The following SPATA31H1 variants were observed in gnomAD, a reference collection of about 807,000 sequenced individuals.
SPATA31H1 encodes the protein spermatogenesis-associated protein 31H1.
chr2:27,577,300 C>T, the SPATA31H1 span: 1 of 1,613,988 alleles, frequency 6.2e-7, no homozygotes, highest in Non-Finnish European at 8.5e-7. This position sits in a 1 kb window ranked among gnomAD's most constrained non-coding sequence, Gnocchi z 4.5. Context: ...CAGTCACGGC[C>T]CCGAGTTAAG....
At chr2:27,546,986 C>T in the SPATA31H1 span, among the ~76,000 whole-genome samples, 1 of 152,078 alleles carries the variant, frequency 6.6e-6, no homozygotes, top group African/African-American at 2.4e-5. Flanking sequence ...ATTGAAAAGA[C>T]CATCCTATTC....
chr2:27,555,876 G>A, the SPATA31H1 span, among the ~76,000 whole-genome samples: 3 of 151,960 alleles, frequency 2.0e-5, no homozygotes, highest in Non-Finnish European at 2.9e-5. Flanking sequence ...GCTCACGCCT[G>A]TAATCCCAGC....
chr2:27,578,056 T>C, the SPATA31H1 span: 2 of 1,614,086 alleles, frequency 1.2e-6, no homozygotes, highest in South Asian at 1.1e-5. Flanking sequence ...CAGCTTCAAG[T>C]TGCTCAATCT....
the SPATA31H1 span, among the ~76,000 whole-genome samples, chr2:27,556,658 G>A: frequency 3.6e-5 from 5 of 138,814 alleles, no homozygotes; most frequent in African/African-American, 1.1e-4. Flanking sequence ...TCTCCATCTC[G>A]TCATCTAATT....
the SPATA31H1 span, chr2:27,580,521 G>C: frequency 6.2e-7 from 1 of 1,614,180 alleles, no homozygotes; most frequent in Non-Finnish European, 8.5e-7. Flanking sequence ...TCCTTCTAGG[G>C]AATTAGCAGC....
chr2:27,548,031 G>A, the SPATA31H1 span, among the ~76,000 whole-genome samples: 2 of 146,582 alleles, frequency 1.4e-5, no homozygotes, highest in Non-Finnish European at 3.0e-5. Context: ...ACCCAGGCTG[G>A]AGTGTAGTGG....
At chr2:27,563,380 TA>T in the SPATA31H1 span, among the ~76,000 whole-genome samples, 1 of 126,022 alleles carries the variant, frequency 7.9e-6, no homozygotes, top group Non-Finnish European at 1.6e-5. Context: ...CTTCCTCTTC[TA>T]CTTCTTTTTT....
At chr2:27,578,965 A>G in the SPATA31H1 span, 161 of 1,613,944 alleles carry the variant, frequency 1.0e-4, no homozygotes, top group Non-Finnish European at 1.3e-4. Context: ...GCCCTTCATA[A>G]TCAAAGCTCC....
At chr2:27,546,629 C>T in the SPATA31H1 span, among the ~76,000 whole-genome samples, 1 of 151,924 alleles carries the variant, frequency 6.6e-6, no homozygotes, top group African/African-American at 2.4e-5. Context: ...ACCTCTTGGG[C>T]TCAAGTGATA....
chr2:27,566,012 G>C, the SPATA31H1 span: 1 of 717,308 alleles, frequency 1.4e-6, no homozygotes. Flanking sequence ...CAATAGTCAT[G>C]AGGCTGACAG....
chr2:27,571,884 G>A, the SPATA31H1 span: 4 of 398,398 alleles, frequency 1.0e-5, no homozygotes, highest in Non-Finnish European at 1.8e-5. Context: ...AGTAAAATCT[G>A]TGGATTTAGC....
the SPATA31H1 span, among the ~76,000 whole-genome samples, chr2:27,553,897 G>A: frequency 2.6e-5 from 4 of 151,914 alleles, no homozygotes; most frequent in African/African-American, 9.7e-5. Context: ...ACTCCAGCCT[G>A]GGCAACAAGA....
chr2:27,569,011 T>C, the SPATA31H1 span: 54 of 398,712 alleles, frequency 1.4e-4, no homozygotes, highest in Admixed American at 4.4e-5. Flanking sequence ...TGTCACCAAG[T>C]GGAAAAATCT....
the SPATA31H1 span, chr2:27,566,354 A>G: frequency 2.8e-6 from 2 of 717,404 alleles, no homozygotes; most frequent in Non-Finnish European, 5.2e-6. Flanking sequence ...CGGAGCCTTC[A>G]ACAGATCTTC....
the SPATA31H1 span, among the ~76,000 whole-genome samples, chr2:27,540,535 C>CT: frequency 7.2e-6 from 1 of 138,430 alleles, no homozygotes; most frequent in Non-Finnish European, 1.6e-5. Context: ...TGACCCCCCC[C>CT]CCACCTCCCT....
the SPATA31H1 span, chr2:27,578,928 A>G: frequency 1.9e-5 from 30 of 1,613,956 alleles, no homozygotes; most frequent in Non-Finnish European, 2.5e-5. Context: ...AGACCCTACT[A>G]TGATACAATC....
At chr2:27,543,622 C>G in the SPATA31H1 span, among the ~76,000 whole-genome samples, 1 of 151,620 alleles carries the variant, frequency 6.6e-6, no homozygotes, top group South Asian at 2.1e-4. Context: ...ACAGTTTCTG[C>G]AGTTTATCCA....
the SPATA31H1 span, among the ~76,000 whole-genome samples, chr2:27,562,024 C>A: frequency 1.3e-5 from 2 of 152,194 alleles, no homozygotes; most frequent in Non-Finnish European, 2.9e-5. Flanking sequence ...GCTAAACAAT[C>A]ATTTTCCCAT....
chr2:27,569,897 C>T, the SPATA31H1 span: 16 of 398,762 alleles, frequency 4.0e-5, no homozygotes, highest in Admixed American at 1.3e-4. Context: ...TTCTTCAAGG[C>T]GAAAAACCTG....
Sources: allele counts gnomAD v4.1 joint callset (sites outside exome capture counted in the v4.1 genomes callset), GRCh38; gene constraint gnomAD v4.1.1; non-coding constraint Gnocchi (gnomAD v3.1); transcripts MANE v1.5; gene names NCBI Gene and HGNC (gene_info 2026-07-23, HGNC 2026-07-21).